GFM2: variants seen among roughly 807,000 people sequenced by gnomAD.
GFM2 encodes ribosome-releasing factor 2, mitochondrial.
GFM2 carries 72 observed loss-of-function variants against 95.4 expected under a neutral mutation model. That is an observed-to-expected ratio of 0.76 (90% CI 0.62 to 0.92). The LOEUF is 0.92. Ranked by LOEUF, GFM2 falls within the 40% of genes least tolerant of loss-of-function variation. The pLI, the probability that GFM2 is intolerant of heterozygous loss-of-function variation, is 0.00. For missense variants in GFM2, 825 were observed against 924.1 expected, an observed-to-expected ratio of 0.89 and a Z score of 1.39; for synonymous variants, 276 against 317.5, an observed-to-expected ratio of 0.87 and a Z score of 1.39.
chr5:74,766,222 T>C (rs185892309), intron 1 of GFM2, among the ~76,000 whole-genome samples: 27 of 152,310 alleles, frequency 1.8e-4, no homozygotes, highest in Admixed American at 1.8e-3. Flanking sequence ...GAGGATCGCT[T>C]GATCCCGGGA....
At chr5:74,722,025 C>G (rs1245667761) in intron 20 of GFM2, among the ~76,000 whole-genome samples, 1 of 152,156 alleles carries the variant, frequency 6.6e-6, no homozygotes, top group African/African-American at 2.4e-5. Context: ...GCTTTGCCGG[C>G]AACCCAGGTG....
rs375461081 is a variant in GFM2 at position 74,747,718 on chromosome 5, T to G, written c.582A>C (p.Leu194Phe). The part of the protein sequence containing the change: ...DKHNIPRICF[L>F]NKMDKTGASF... ...TTGCTCCAGTTTTGTCCATCTTGTT[T>G]AAAAAACAGATTCGAGGTATATTGT... is the stretch of plus-strand genomic sequence containing the variant. The change falls in exon 8 of 21, where the codon TTA becomes TTC. Residue 194 changes from leucine (L) to phenylalanine (F), a missense_variant. By Grantham distance (22) the Leu-to-Phe change is conservative. Coordinates refer to ENST00000296805, the MANE Select transcript of GFM2 (RefSeq NM_032380.5). The G allele has an allele frequency of 6.2e-7, 1 of 1,611,770 alleles. No individual in the cohort carries two copies. Among genetic ancestry groups the G allele is most frequent in the Non-Finnish European group, 8.5e-7 (1 of 1,178,136 alleles).
At chr5:74,722,599 ATAAAAACT>A (rs1386334982) in intron 19 of GFM2, 38 bp from the exon 20 acceptor site, 1 of 1,537,354 alleles carries the variant, frequency 6.5e-7, no homozygotes, top group East Asian at 2.3e-5. Context: ...TCTTTCATAA[ATAAAAACT>A]TAAAATAAAT....
chr5:74,724,488 A>C (rs948745892), intron 19 of GFM2, among the ~76,000 whole-genome samples: 9 of 152,042 alleles, frequency 5.9e-5, no homozygotes, highest in African/African-American at 1.7e-4. Context: ...AAAAAAAAAA[A>C]ACAATTTAAA....
chr5:74,742,336 A>AT (rs2112279574), intron 10 of GFM2, among the ~76,000 whole-genome samples: 1 of 152,056 alleles, frequency 6.6e-6, no homozygotes, highest in African/African-American at 2.4e-5. Context: ...AAAGCATTAT[A>AT]TGTGATGGTT....
At chr5:74,722,351 A>C in intron 20 of GFM2, 28 bp downstream of exon 20, 1 of 1,568,356 alleles carries the variant, frequency 6.4e-7, no homozygotes, top group East Asian at 2.2e-5. Flanking sequence ...TAAGAAGAAT[A>C]TGTACTTTTC....
At position 74,748,941 on chromosome 5, in the gene GFM2, AAT is replaced by A. The variant is rs1371227267; in HGVS notation, c.520-1163_520-1162del. Among the ~76,000 whole-genome samples, 787 of 137,162 alleles carry A rather than the reference AAT, an allele frequency of 5.7e-3. 4 individuals are homozygous for A. Among genetic ancestry groups the A allele is most frequent in the African/African-American group, 8.7e-3 (289 of 33,096 alleles). The allele number at this position is 137,162 out of a possible 152,430, so 90.0% of individuals were successfully genotyped here. A position where few individuals can be genotyped will look rare whatever the true frequency, so the allele number is the denominator to read the frequency against. Reference sequence around the variant, plus strand: ...ATAAAAAAAAATAAAAAAAATAAAAAATAAAATAAAATAAAATAAAATAAAGA... The same window carrying A: ...ATAAAAAAAAATAAAAAAAATAAAAAAAAATAAAATAAAATAAAATAAAGA... On this transcript the variant is annotated intron_variant, in intron 7 of 20. Coordinates refer to ENST00000296805, the MANE Select transcript of GFM2 (RefSeq NM_032380.5).
At position 74,730,267 on chromosome 5, in the gene GFM2, A is replaced by C. The variant is rs908474805; in HGVS notation, c.1719T>G (p.Arg573=). The change falls in exon 17 of 21, where the codon CGT becomes CGG. Residue 573 remains arginine, a synonymous_variant. Coordinates refer to ENST00000296805, the MANE Select transcript of GFM2 (RefSeq NM_032380.5). ...AAATGTTTTACTTTTTACCTGTGGCACGAACTGAGTTTAGGATGGTCTCTC... is the reference window on the plus strand; with the variant it reads ...AAATGTTTTACTTTTTACCTGTGGCCCGAACTGAGTTTAGGATGGTCTCTC... ...AYRETILNSV[R]ATDTLDRTLG... is the part of the protein sequence containing the mutation. The C allele has an allele frequency of 2.5e-6, 4 of 1,602,158 alleles. No individual in the cohort carries two copies. In the African/African-American group the frequency reaches 5.4e-5, roughly 22 times the overall value.
intron 5 of GFM2, among the ~76,000 whole-genome samples, chr5:74,757,602 G>C (rs1036998645): frequency 6.6e-6 from 1 of 151,874 alleles, no homozygotes; most frequent in Admixed American, 6.6e-5. Flanking sequence ...GGTGGCACCT[G>C]CCTGTAGTCC....
At chr5:74,733,942 A>G (rs1399234955) in intron 15 of GFM2, among the ~76,000 whole-genome samples, 2 of 152,194 alleles carry the variant, frequency 1.3e-5, no homozygotes, top group African/African-American at 4.8e-5. Flanking sequence ...TGATATTTTA[A>G]TACACTCAAT....
Position 74,741,538 on chromosome 5 carries a change from T to C in GFM2, c.921A>G (p.Pro307=), listed in dbSNP as rs1212806972. 6.6e-7 allele frequency: 1 copy of C among 1,525,170 alleles called. No individual in the cohort carries two copies. Among genetic ancestry groups the C allele is most frequent in the Middle Eastern group, 1.7e-4 (1 of 5,868 alleles). The allele number at this position is 1,525,170 out of a possible 1,614,324, so 94.5% of individuals were successfully genotyped here. Reference sequence around the variant, plus strand: ...GAATAATAAAATTTACCTTTTCAGCTGGTAACAAATCAAAATTCTCACTAA... The same window carrying C: ...GAATAATAAAATTTACCTTTTCAGCCGGTAACAAATCAAAATTCTCACTAA... ...EEFSENFDLL[P]AEKLQTAIHR... Residue 307 remains proline (P), a synonymous_variant, in exon 11 of 21, where the codon CCA becomes CCG. Coordinates refer to ENST00000296805, the MANE Select transcript of GFM2 (RefSeq NM_032380.5).
At chr5:74,728,758 T>TC (rs1159280461) in intron 17 of GFM2, among the ~76,000 whole-genome samples, 5 of 101,436 alleles carry the variant, frequency 4.9e-5, no homozygotes, top group East Asian at 4.7e-4. Flanking sequence ...CTTTTTTTTT[T>TC]TTTTTTTTTT....
At chr5:74,723,867 A>G (rs1750030869) in intron 19 of GFM2, among the ~76,000 whole-genome samples, 2 of 152,122 alleles carry the variant, frequency 1.3e-5, no homozygotes, top group African/African-American at 2.4e-5. Flanking sequence ...CATGGCATTC[A>G]CCCATTTTAT....
intron 5 of GFM2, among the ~76,000 whole-genome samples, chr5:74,755,988 G>T (rs986736315): frequency 6.6e-6 from 1 of 152,064 alleles, no homozygotes; most frequent in Non-Finnish European, 1.5e-5. Context: ...GAATCCAACA[G>T]CATACCAAAA....
chr5:74,742,786 C>T (rs1743177219), intron 10 of GFM2, among the ~76,000 whole-genome samples: 1 of 152,088 alleles, frequency 6.6e-6, no homozygotes, highest in Admixed American at 6.6e-5. Context: ...CCTGCTTCAG[C>T]CTCCTGAGTA....
At chr5:74,759,522 G>GT (rs1454199143) in intron 3 of GFM2, 96 bp from the exon 4 acceptor site, 5 of 638,854 alleles carry the variant, frequency 7.8e-6, no homozygotes, top group South Asian at 4.7e-5. Flanking sequence ...AGCAAATACT[G>GT]TAAGTCCAAA....
intron 17 of GFM2, among the ~76,000 whole-genome samples, chr5:74,728,717 T>C (rs1199184013): frequency 6.6e-6 from 1 of 151,162 alleles, no homozygotes; most frequent in East Asian, 1.9e-4. Context: ...AATTTTATTA[T>C]GAGTTAATAT....
At chr5:74,759,758 G>A (rs1053056404) in intron 3 of GFM2, among the ~76,000 whole-genome samples, 3 of 152,128 alleles carry the variant, frequency 2.0e-5, no homozygotes, top group East Asian at 1.9e-4. Flanking sequence ...ATAATCTTAA[G>A]GCAATGATCC....
At chr5:74,727,192 T>C (rs921248331) in intron 17 of GFM2, among the ~76,000 whole-genome samples, 1 of 152,036 alleles carries the variant, frequency 6.6e-6, no homozygotes, top group African/African-American at 2.4e-5. Flanking sequence ...TATATATAAA[T>C]ATACGTTTAT....
Sources: allele counts gnomAD v4.1 joint callset (sites outside exome capture counted in the v4.1 genomes callset), GRCh38; gene constraint gnomAD v4.1.1; transcripts MANE v1.5; gene names NCBI Gene and HGNC (gene_info 2026-07-23, HGNC 2026-07-21).